Variants in ASAP1 observed in about 807,000 individuals in gnomAD.
ASAP1 encodes arf-GAP with SH3 domain, ANK repeat and PH domain-containing protein 1.
Under a neutral mutation model 145.2 loss-of-function variants are expected in ASAP1, and 43 were observed. The observed-to-expected ratio is 0.30, with a 90% confidence interval of 0.23 to 0.38. The LOEUF is 0.38. Ranked by LOEUF, ASAP1 falls within the 10% of genes least tolerant of loss-of-function variation. ASAP1 has a pLI of 1.00. For synonymous variants in ASAP1, 546 were observed against 515.5 expected, an observed-to-expected ratio of 1.06 and a Z score of -0.80; for missense variants, 1,018 against 1,355.3, an observed-to-expected ratio of 0.75 and a Z score of 3.91.
chr8:130,150,564 G>A (rs553520942), intron 13 of ASAP1, among the ~76,000 whole-genome samples: 1 of 152,320 alleles, frequency 6.6e-6, no homozygotes, highest in Non-Finnish European at 1.5e-5. Context: ...TGCAGCAGAA[G>A]GCAAAGAGAG....
chr8:130,430,120 A>C (rs1376951921), intron 1 of ASAP1, among the ~76,000 whole-genome samples: 1 of 152,236 alleles, frequency 6.6e-6, no homozygotes, highest in African/African-American at 2.4e-5. Flanking sequence ...TCTGGACCTC[A>C]AAGACAACTC....
At chr8:130,154,185 T>A (rs932515937) in intron 12 of ASAP1, among the ~76,000 whole-genome samples, 8 of 152,190 alleles carry the variant, frequency 5.3e-5, no homozygotes, top group Non-Finnish European at 1.2e-4. Flanking sequence ...TTTAGGGGTC[T>A]TCCAGAGACA....
intron 3 of ASAP1, among the ~76,000 whole-genome samples, chr8:130,332,195 C>T (rs1824733532): frequency 6.6e-6 from 1 of 152,226 alleles, no homozygotes; most frequent in Non-Finnish European, 1.5e-5. Flanking sequence ...GTGAAGTTTA[C>T]AGCTTCTGCT....
Position 130,120,963 on chromosome 8 carries a change from T to C in ASAP1, c.1608-2288A>G, listed in dbSNP as rs184513778. Among the ~76,000 whole-genome samples the C allele has an allele frequency of 4.1e-3, 620 of 152,350 alleles. 10 individuals carry two copies. Among genetic ancestry groups the C allele is most frequent in the Admixed American group, 0.028 (431 of 15,306 alleles). ...AGACAACTTTTCTCCTCTGTCCCCT[T>C]AAACCCAGTCCTCTCTTTATCTGCT... is the stretch of plus-strand genomic sequence containing the variant. On this transcript the variant is annotated intron_variant, in intron 18 of 29. Coordinates refer to ENST00000518721, the MANE Select transcript of ASAP1 (RefSeq NM_018482.4).
intron 9 of ASAP1, among the ~76,000 whole-genome samples, chr8:130,178,472 T>G (rs1814118327): frequency 6.6e-6 from 1 of 152,214 alleles, no homozygotes; most frequent in Non-Finnish European, 1.5e-5. Context: ...ACAAAAATGG[T>G]GCCAGTGTAG....
At chr8:130,305,916 C>T (rs1822965565) in intron 3 of ASAP1, among the ~76,000 whole-genome samples, 1 of 152,174 alleles carries the variant, frequency 6.6e-6, no homozygotes, top group African/African-American at 2.4e-5. Flanking sequence ...TATTTAAGCT[C>T]TTAGGTTAGA....
chr8:130,225,935 G>A (rs527683887), intron 4 of ASAP1, among the ~76,000 whole-genome samples: 42 of 152,160 alleles, frequency 2.8e-4, no homozygotes, highest in African/African-American at 7.7e-4. Context: ...CTGTAATGCC[G>A]CGGCATGGTC....
At chr8:130,197,466 A>G (rs934490810) in intron 5 of ASAP1, among the ~76,000 whole-genome samples, 1 of 152,174 alleles carries the variant, frequency 6.6e-6, no homozygotes, top group African/African-American at 2.4e-5. Context: ...AGAAAAGAAA[A>G]GAACTGACAC....
chr8:130,186,417 T>C (rs1355739345), intron 7 of ASAP1, among the ~76,000 whole-genome samples: 4 of 152,200 alleles, frequency 2.6e-5, no homozygotes, highest in Non-Finnish European at 4.4e-5. Flanking sequence ...TATTCTCTTA[T>C]GTTTATAGTT....
intron 1 of ASAP1, among the ~76,000 whole-genome samples, chr8:130,438,060 C>A (rs1830376791): frequency 6.6e-6 from 1 of 152,178 alleles, no homozygotes; most frequent in Non-Finnish European, 1.5e-5. Context: ...TGACCCCAGG[C>A]AGCAGACGCC....
intron 5 of ASAP1, among the ~76,000 whole-genome samples, chr8:130,197,233 G>A (rs1210462695): frequency 3.3e-5 from 5 of 152,208 alleles, no homozygotes; most frequent in South Asian, 4.1e-4. Context: ...TTCGAGACCC[G>A]CCTAGGCGAC....
At chr8:130,172,903 C>T (rs933885515) in intron 9 of ASAP1, among the ~76,000 whole-genome samples, 1 of 152,190 alleles carries the variant, frequency 6.6e-6, no homozygotes, top group African/African-American at 2.4e-5. Flanking sequence ...CTGTTACATA[C>T]CCAGATTCTA....
At chr8:130,098,794 C>CAA (rs1220057111) in intron 24 of ASAP1, among the ~76,000 whole-genome samples, 1 of 152,138 alleles carries the variant, frequency 6.6e-6, no homozygotes, top group Non-Finnish European at 1.5e-5. Flanking sequence ...TGTGAACATT[C>CAA]AAAATCCTTG....
chr8:130,149,885 G>A (rs558830647), intron 13 of ASAP1, among the ~76,000 whole-genome samples: 1 of 152,314 alleles, frequency 6.6e-6, no homozygotes, highest in Admixed American at 6.5e-5. Flanking sequence ...AGTGAAAAGT[G>A]GGGAACAGAA....
At chr8:130,288,156 G>A (rs1255952561) in intron 3 of ASAP1, among the ~76,000 whole-genome samples, 2 of 152,148 alleles carry the variant, frequency 1.3e-5, no homozygotes, top group Admixed American at 1.3e-4. Flanking sequence ...TGCAAATATG[G>A]GAAGCTTATC....
At chr8:130,390,749 C>T (rs1828239949) in intron 2 of ASAP1, among the ~76,000 whole-genome samples, 2 of 152,156 alleles carry the variant, frequency 1.3e-5, no homozygotes, top group Admixed American at 1.3e-4. Flanking sequence ...ACTAGGATGG[C>T]TACTATCACA....
At chr8:130,422,566 T>C (rs1829764265) in intron 1 of ASAP1, among the ~76,000 whole-genome samples, 1 of 152,196 alleles carries the variant, frequency 6.6e-6, no homozygotes, top group Admixed American at 6.5e-5. Context: ...GATTCCATTG[T>C]CCTTAGAAAT....
chr8:130,167,956 TA>T (rs2097683336), intron 10 of ASAP1, among the ~76,000 whole-genome samples: 1 of 152,186 alleles, frequency 6.6e-6, no homozygotes, highest in Non-Finnish European at 1.5e-5. Flanking sequence ...ATAATGTGAT[TA>T]AATGGTCCAG....
intron 28 of ASAP1, among the ~76,000 whole-genome samples, chr8:130,060,135 C>T (rs1288500177): frequency 6.7e-6 from 1 of 150,312 alleles, no homozygotes; most frequent in Admixed American, 6.6e-5. Context: ...CCCAGAACCC[C>T]GAGAGGGAAA....
Sources: gnomAD v4.1 joint callset for allele counts (sites outside exome capture counted in the v4.1 genomes callset) on GRCh38, gnomAD v4.1.1 for gene constraint, MANE v1.5 for transcripts, NCBI Gene and HGNC (gene_info 2026-07-23, HGNC 2026-07-21) for gene names.